Variants in DACH1 observed in about 807,000 individuals in gnomAD.
DACH1 encodes dachshund family transcription factor 1, also known as dachshund homolog 1.
Under a neutral mutation model 54.2 loss-of-function variants are expected in DACH1, and 12 were observed. The observed-to-expected ratio is 0.22, with a 90% confidence interval of 0.14 to 0.36. The LOEUF (loss-of-function observed/expected upper bound fraction) is 0.36, where lower values mean the gene tolerates loss of function less well. Ranked by LOEUF, DACH1 falls within the 10% of genes least tolerant of loss-of-function variation. The probability of loss-of-function intolerance (pLI) is 1.00; values close to 1 mark genes in which losing one functional copy is unlikely to be tolerated. For missense variants in DACH1, 805 were observed against 929.8 expected (o/e 0.87, Z 1.75); for synonymous variants, 386 against 366.2 (o/e 1.05, Z -0.62).
intron 2 of DACH1, among the ~76,000 whole-genome samples, chr13:71,675,876 T>A (rs1435680417): frequency 2.0e-5 from 3 of 152,200 alleles, no homozygotes; most frequent in Non-Finnish European, 4.4e-5. Flanking sequence ...TATCATACAG[T>A]AGATTCCATC....
Position 71,858,644 on chromosome 13 carries a change from T to G in DACH1, c.848+7278A>C, listed in dbSNP as rs147877702. Among the ~76,000 whole-genome samples the G allele has an allele frequency of 4.8e-4, 73 of 151,824 alleles. No individual in the cohort carries two copies. In the East Asian group the frequency reaches 0.012, roughly 25 times the overall value. On this transcript the variant is annotated intron_variant, in intron 1 of 10. Coordinates refer to ENST00000613252, the MANE Select transcript of DACH1 (RefSeq NM_080759.6). ...ATTTTCTTCCTATCTAACTGAAATT[T>G]TGTAACCTTAGACCAACAGCTCTCC... is the stretch of plus-strand genomic sequence containing the variant.
intron 2 of DACH1, among the ~76,000 whole-genome samples, chr13:71,638,594 G>A (rs1877670694): frequency 6.6e-6 from 1 of 152,038 alleles, no homozygotes; most frequent in African/African-American, 2.4e-5. Context: ...TCAGAAGAGT[G>A]TATTTTTAAT....
intron 1 of DACH1, among the ~76,000 whole-genome samples, chr13:71,712,853 A>G (rs1489298772): frequency 1.3e-5 from 2 of 152,176 alleles, no homozygotes; most frequent in Admixed American, 1.3e-4. Flanking sequence ...TGGAAAATTT[A>G]AATAACATTT....
At chr13:71,523,517 T>C (rs1380453823) in intron 6 of DACH1, among the ~76,000 whole-genome samples, 2 of 152,140 alleles carry the variant, frequency 1.3e-5, no homozygotes, top group African/African-American at 4.8e-5. Flanking sequence ...AAAGTGTTTA[T>C]GTCTTTGTTA....
chr13:71,729,244 T>C (rs958012062), intron 1 of DACH1, among the ~76,000 whole-genome samples: 1 of 152,006 alleles, frequency 6.6e-6, no homozygotes, highest in Non-Finnish European at 1.5e-5. Context: ...TGAATTTGCT[T>C]TCTTTTTATT....
intron 7 of DACH1, among the ~76,000 whole-genome samples, chr13:71,486,793 AATTAATTT>A (rs1416169504): frequency 4.7e-5 from 1 of 21,334 alleles, no homozygotes; most frequent in African/African-American, 6.6e-5. Flanking sequence ...AAGCTAAATT[AATTAATTT>A]ATTTATTTAT....
At chr13:71,615,974 A>C (rs191233825) in intron 3 of DACH1, among the ~76,000 whole-genome samples, 19 of 152,196 alleles carry the variant, frequency 1.2e-4, no homozygotes, top group Non-Finnish European at 2.4e-4. Flanking sequence ...GTAATATTTC[A>C]AATTGTTATA....
intron 1 of DACH1, among the ~76,000 whole-genome samples, chr13:71,821,629 T>C (rs2138183945): frequency 6.6e-6 from 1 of 152,270 alleles, no homozygotes; most frequent in East Asian, 1.9e-4. Flanking sequence ...ATTTAGATGA[T>C]GAGAGTACAG....
intron 1 of DACH1, among the ~76,000 whole-genome samples, chr13:71,787,559 G>C (rs934529317): frequency 6.6e-6 from 1 of 152,126 alleles, no homozygotes. Context: ...CTGTGGATTG[G>C]AGAGATGTAG....
At chr13:71,851,450 C>T (rs945591170) in intron 1 of DACH1, among the ~76,000 whole-genome samples, 5 of 151,890 alleles carry the variant, frequency 3.3e-5, no homozygotes, top group African/African-American at 1.2e-4. Flanking sequence ...AAAACTTTGC[C>T]TATATTATTA....
intron 1 of DACH1, among the ~76,000 whole-genome samples, chr13:71,833,042 G>A (rs973400531): frequency 7.9e-5 from 12 of 151,756 alleles, no homozygotes; most frequent in African/African-American, 2.2e-4. Flanking sequence ...GGGAAGTTGC[G>A]CTCCCTTCAG....
rs762011848 is a variant in DACH1 at position 71,559,846 on chromosome 13, C to T, written c.1409G>A (p.Arg470Gln). Reference sequence around the variant, plus strand: ...GATTCTGTCAGAAGAGCTCTCAGTCCGAGCAGGGGAGCTGGACACGCTGCT... The same window carrying T: ...GATTCTGTCAGAAGAGCTCTCAGTCTGAGCAGGGGAGCTGGACACGCTGCT... ...RSSSVSSSPA[R>Q]TESSSDRIPV... Residue 470 changes from arginine (R) to glutamine (Q), a missense_variant, in exon 5 of 11, where the codon CGG (arginine) becomes CAG (glutamine). Physicochemically the swap from Arg to Gln is conservative, Grantham distance 43 (BLOSUM62 1). Coordinates refer to ENST00000613252, the MANE Select transcript of DACH1 (RefSeq NM_080759.6). 6.8e-6 allele frequency: 11 copies of T among 1,613,434 alleles called. No homozygotes were observed. The highest frequency in any genetic ancestry group is 4.5e-5 in the East Asian group (2 of 44,796).
chr13:71,468,874 A>G (rs866816151), intron 10 of DACH1, among the ~76,000 whole-genome samples: 110 of 152,220 alleles, frequency 7.2e-4, no homozygotes, highest in African/African-American at 2.2e-3. Context: ...TATAAACATA[A>G]TATAGGCACA....
intron 10 of DACH1, among the ~76,000 whole-genome samples, chr13:71,474,152 G>A (rs1463935622): frequency 5.4e-5 from 1 of 18,654 alleles, no homozygotes; most frequent in Non-Finnish European, 1.5e-3. Flanking sequence ...ATAAATATAG[G>A]CAAAAAAAAA....
At chr13:71,764,731 T>G (rs1388342036) in intron 1 of DACH1, among the ~76,000 whole-genome samples, 1 of 152,224 alleles carries the variant, frequency 6.6e-6, no homozygotes, top group Non-Finnish European at 1.5e-5. Flanking sequence ...ATTTTACTTC[T>G]TTACTTTTAC....
intron 6 of DACH1, among the ~76,000 whole-genome samples, chr13:71,498,689 G>A (rs1040027962): frequency 3.3e-5 from 5 of 151,194 alleles, no homozygotes; most frequent in East Asian, 1.9e-4. Flanking sequence ...GGCAAGAAAC[G>A]GGCACTGAAT....
At chr13:71,753,669 G>A (rs558490535) in intron 1 of DACH1, among the ~76,000 whole-genome samples, 8 of 152,108 alleles carry the variant, frequency 5.3e-5, no homozygotes, top group Admixed American at 2.6e-4. Context: ...AACTTGCTTC[G>A]CAAGTGGAAG....
chr13:71,519,021 T>C (rs1421445341), intron 6 of DACH1, among the ~76,000 whole-genome samples: 1 of 151,960 alleles, frequency 6.6e-6, no homozygotes, highest in Admixed American at 6.6e-5. Context: ...ATCTGGTTTC[T>C]CACTACAACA....
At chr13:71,618,628 G>GT (rs200023662) in intron 3 of DACH1, among the ~76,000 whole-genome samples, 2,255 of 150,660 alleles carry the variant, frequency 0.015, 48 homozygotes, top group African/African-American at 0.047. Flanking sequence ...CAGAATTAGG[G>GT]TTTTTTTTTA....
Sources: gnomAD v4.1 joint callset for allele counts (sites outside exome capture counted in the v4.1 genomes callset) on GRCh38, gnomAD v4.1.1 for gene constraint, MANE v1.5 for transcripts, NCBI Gene and HGNC (gene_info 2026-07-23, HGNC 2026-07-21) for gene names.